Variants in CSMD1 observed in about 807,000 individuals in gnomAD.
The protein encoded by CSMD1 is CUB and Sushi multiple domains 1, also known as CUB and sushi domain-containing protein 1.
CSMD1 carries 213 observed loss-of-function variants against 417.5 expected under a neutral mutation model. That is an observed-to-expected ratio of 0.51 (90% confidence interval 0.46 to 0.57). CSMD1 has a LOEUF of 0.57. Among genes scored for constraint, CSMD1 ranks in the 20% least tolerant of loss-of-function variants. CSMD1 has a pLI of 0.00. For synonymous variants in CSMD1, 2,862 were observed against 1,736.8 expected, an observed-to-expected ratio of 1.65 and a Z score of -16.11; for missense variants, 6,923 against 4,529.7, an observed-to-expected ratio of 1.53 and a Z score of -15.17.
intron 5 of CSMD1, among the ~76,000 whole-genome samples, chr8:3,954,462 G>A (rs1410998326): frequency 6.6e-6 from 1 of 152,174 alleles, no homozygotes; most frequent in Non-Finnish European, 1.5e-5. Flanking sequence ...CTCCTCCCGG[G>A]TTCAGGCGAT....
chr8:4,477,656 G>T lies in CSMD1; in HGVS notation c.303-57591C>A, dbSNP rs545386455. 3.3e-5 allele frequency among the ~76,000 whole-genome samples: 5 copies of T among 152,178 alleles called. No homozygotes were observed. The South Asian group carries it at 8.3e-4, about 25-fold the overall frequency. ...GAGATATCTAAGAAATCGTTGACTGGGTACTGGAAGTGACGCAAGGCATGT... is the reference window on the plus strand; with the variant it reads ...GAGATATCTAAGAAATCGTTGACTGTGTACTGGAAGTGACGCAAGGCATGT... On this transcript the variant is annotated intron_variant, in intron 2 of 69. Coordinates refer to ENST00000635120, the MANE Select transcript of CSMD1 (RefSeq NM_033225.6).
chr8:4,209,475 C>G (rs752107729), intron 3 of CSMD1, among the ~76,000 whole-genome samples: 4 of 152,160 alleles, frequency 2.6e-5, no homozygotes, highest in South Asian at 4.1e-4. Flanking sequence ...TGCTAGTTCC[C>G]GAACACTTCC....
At chr8:3,944,347 T>C (rs543974603) in intron 5 of CSMD1, among the ~76,000 whole-genome samples, 1 of 152,282 alleles carries the variant, frequency 6.6e-6, no homozygotes, top group South Asian at 2.1e-4. Context: ...TAAAGAATAA[T>C]TTTTGTACCA....
intron 5 of CSMD1, among the ~76,000 whole-genome samples, chr8:3,979,430 G>A (rs556684162): frequency 6.6e-6 from 1 of 152,144 alleles, no homozygotes; most frequent in Non-Finnish European, 1.5e-5. Flanking sequence ...GCAGGAGAAG[G>A]CGTTGATAAA....
chr8:3,302,466 G>C lies in CSMD1; in HGVS notation c.3950+5229C>G, dbSNP rs180684698. Among the ~76,000 whole-genome samples, 205 of 152,232 alleles carry C rather than the reference G, an allele frequency of 1.3e-3. 1 individual carries two copies. The highest frequency in any genetic ancestry group is 4.7e-3 in the African/African-American group (196 of 41,530). On this transcript the variant is annotated intron_variant, in intron 25 of 69. Transcript: ENST00000635120. ...CTATTTCTCCTGTAATTCCATTTAT[G>C]TGTGATTTGAGTTTCACTTCCCATG...
At chr8:4,565,122 G>C (rs904784571) in intron 2 of CSMD1, among the ~76,000 whole-genome samples, 3 of 152,182 alleles carry the variant, frequency 2.0e-5, no homozygotes, top group East Asian at 3.9e-4. Context: ...ACTTTTATTA[G>C]AAGTACAGCT....
intron 1 of CSMD1, among the ~76,000 whole-genome samples, chr8:4,909,740 C>A (rs1389397803): frequency 6.6e-6 from 1 of 152,162 alleles, no homozygotes; most frequent in Admixed American, 6.5e-5. Flanking sequence ...AGTGATCTCA[C>A]CTGTATATAG....
intron 11 of CSMD1, among the ~76,000 whole-genome samples, chr8:3,486,216 C>G (rs955746326): frequency 6.6e-5 from 10 of 152,284 alleles, no homozygotes; most frequent in African/African-American, 2.4e-4. Flanking sequence ...GCGATGATAA[C>G]TATAGTAATA....
At chr8:3,562,862 C>T (rs886114828) in intron 10 of CSMD1, among the ~76,000 whole-genome samples, 1 of 151,860 alleles carries the variant, frequency 6.6e-6, no homozygotes, top group African/African-American at 2.4e-5. Context: ...GTACAACAAA[C>T]CCCCATGACA....
At chr8:4,789,241 G>C (rs1333823094) in intron 1 of CSMD1, among the ~76,000 whole-genome samples, 1 of 152,140 alleles carries the variant, frequency 6.6e-6, no homozygotes, top group Non-Finnish European at 1.5e-5. Context: ...TCCTGCCACT[G>C]TTTCTCATCT....
chr8:3,004,842 G>A (rs1162261195), intron 52 of CSMD1, among the ~76,000 whole-genome samples: 1 of 152,116 alleles, frequency 6.6e-6, no homozygotes, highest in Non-Finnish European at 1.5e-5. Context: ...TATGTCATTG[G>A]AATAAGAATA....
intron 2 of CSMD1, among the ~76,000 whole-genome samples, chr8:4,568,188 T>C (rs1447692482): frequency 6.6e-6 from 1 of 152,172 alleles, no homozygotes; most frequent in Admixed American, 6.6e-5. Flanking sequence ...GTGCAGAAAG[T>C]GCCAGTTTGA....
At chr8:4,711,843 T>C (rs562365004) in intron 1 of CSMD1, among the ~76,000 whole-genome samples, 1 of 152,306 alleles carries the variant, frequency 6.6e-6, no homozygotes, top group Non-Finnish European at 1.5e-5. Flanking sequence ...TCTTCTATCA[T>C]AATAATGATC....
intron 3 of CSMD1, among the ~76,000 whole-genome samples, chr8:4,099,040 T>C (rs1000657183): frequency 3.3e-5 from 5 of 152,194 alleles, no homozygotes; most frequent in African/African-American, 9.7e-5. Flanking sequence ...CAAATGTGGA[T>C]GCATGTGACA....
chr8:4,036,957 G>GTGTC (rs1491348470), intron 3 of CSMD1, among the ~76,000 whole-genome samples: 1 of 4,744 alleles, frequency 2.1e-4, no homozygotes, highest in Non-Finnish European at 2.0e-3. Context: ...TGAGTGTGGG[G>GTGTC]TGTGTGTGTG....
At chr8:4,826,752 C>T (rs909311811) in intron 1 of CSMD1, among the ~76,000 whole-genome samples, 5 of 152,070 alleles carry the variant, frequency 3.3e-5, no homozygotes, top group South Asian at 4.1e-4. Context: ...AGAGACAGTT[C>T]TGTTTTAAAC....
chr8:3,708,359 T>C (rs958853744), intron 7 of CSMD1, 55 bp downstream of exon 7: 3 of 1,473,362 alleles, frequency 2.0e-6, no homozygotes, highest in East Asian at 2.3e-5. Context: ...TGCTCCATTC[T>C]CTCCTCTGCT....
rs77993049 is a variant in CSMD1 at position 4,606,356 on chromosome 8, GA to G, written c.302+30985del. Among the ~76,000 whole-genome samples, 646 of 143,024 alleles carry G rather than the reference GA, an allele frequency of 4.5e-3. 5 individuals are homozygous for G. The Middle Eastern group carries it at 0.067, about 15-fold the overall frequency. The allele number at this position is 143,024 out of a possible 152,430, so 93.8% of individuals were successfully genotyped here. On this transcript the variant is annotated intron_variant, in intron 2 of 69. Coordinates refer to ENST00000635120, the MANE Select transcript of CSMD1 (RefSeq NM_033225.6). ...GAAAACAGTCAAGGAAACAGGGAGA[GA>G]AAAAAAAAAAAGAGTTCTTTCTGTG...
At chr8:3,437,262 GACA>G (rs1251470843) in intron 12 of CSMD1, among the ~76,000 whole-genome samples, 2 of 152,136 alleles carry the variant, frequency 1.3e-5, no homozygotes, top group African/African-American at 4.8e-5. Flanking sequence ...ATTCACTGAA[GACA>G]ACACAGGCAT....
Sources: allele counts gnomAD v4.1 joint callset (sites outside exome capture counted in the v4.1 genomes callset), GRCh38; gene constraint gnomAD v4.1.1; transcripts MANE v1.5; gene names NCBI Gene and HGNC (gene_info 2026-07-23, HGNC 2026-07-21).